PTPN13: variants seen among roughly 807,000 people sequenced by gnomAD.
PTPN13 encodes the protein tyrosine-protein phosphatase non-receptor type 13.
PTPN13 carries 191 observed loss-of-function variants against 284.0 expected under a neutral mutation model. The observed-to-expected ratio is 0.67, with a 90% CI of 0.60 to 0.76. The LOEUF is 0.76. Ranked by LOEUF, PTPN13 falls within the 30% of genes least tolerant of loss-of-function variation. The probability of loss-of-function intolerance (pLI) is 0.00; values close to 1 mark genes in which losing one functional copy is unlikely to be tolerated. For missense variants in PTPN13, 2,797 were observed against 2,939.9 expected (o/e 0.95, Z 1.12); for synonymous variants, 986 against 1,022.3 (o/e 0.96, Z 0.68).
intron 4 of PTPN13, among the ~76,000 whole-genome samples, chr4:86,688,584 A>C (rs1356666892): frequency 6.6e-6 from 1 of 152,134 alleles, no homozygotes; most frequent in Non-Finnish European, 1.5e-5. Flanking sequence ...TCTTTAAGTT[A>C]TCATGGGAGT....
At chr4:86,652,994 A>T (rs1725273422) in intron 2 of PTPN13, among the ~76,000 whole-genome samples, 1 of 150,744 alleles carries the variant, frequency 6.6e-6, no homozygotes, top group Non-Finnish European at 1.5e-5. Flanking sequence ...TGAGCTCATC[A>T]GTTTTTCCTT....
intron 41 of PTPN13, among the ~76,000 whole-genome samples, chr4:86,798,442 C>T (rs996603925): frequency 6.6e-6 from 1 of 152,184 alleles, no homozygotes; most frequent in Non-Finnish European, 1.5e-5. Flanking sequence ...GATGAAAGTA[C>T]TCTGCTTTGT....
chr4:86,809,627 G>T lies in PTPN13; in HGVS notation c.7084-142G>T, dbSNP rs551108199. The T allele has an allele frequency of 3.7e-4, 254 of 683,614 alleles. 2 individuals are homozygous for T. In the East Asian group the frequency reaches 6.4e-3, roughly 17 times the overall value. 42.3% of individuals were successfully genotyped at this position (683,614 alleles called of 1,614,324 possible). ...AATCGCTTGAACCTGGGAGGCGGAG[G>T]CTGCAGTGAGCCGAGATTGCACCAC... On this transcript the variant is annotated intron_variant, in intron 45 of 47. Coordinates refer to ENST00000411767, the MANE Select transcript of PTPN13 (RefSeq NM_080683.3).
intron 3 of PTPN13, among the ~76,000 whole-genome samples, chr4:86,684,992 G>T (rs1247429271): frequency 6.6e-6 from 1 of 152,124 alleles, no homozygotes; most frequent in Non-Finnish European, 1.5e-5. Context: ...ATTCCCATAT[G>T]CTCTGCCATC....
chr4:86,604,146 G>T (rs1211223741), intron 1 of PTPN13, among the ~76,000 whole-genome samples: 2 of 151,990 alleles, frequency 1.3e-5, no homozygotes, highest in East Asian at 3.8e-4. Flanking sequence ...ATAATAGAAA[G>T]AGCAAACACA....
chr4:86,747,871 G>A (rs1237232076), intron 17 of PTPN13, among the ~76,000 whole-genome samples: 1 of 152,188 alleles, frequency 6.6e-6, no homozygotes, highest in African/African-American at 2.4e-5. Flanking sequence ...GCTAACAAAT[G>A]TATGCTGCTT....
chr4:86,715,218 A>ATG (rs1468011089), intron 7 of PTPN13, among the ~76,000 whole-genome samples: 6 of 149,520 alleles, frequency 4.0e-5, no homozygotes, highest in Admixed American at 6.8e-5. Context: ...GTTTGTGTGT[A>ATG]TGTGTGTGTG....
intron 6 of PTPN13, among the ~76,000 whole-genome samples, chr4:86,695,969 G>A (rs1730551136): frequency 6.6e-6 from 1 of 151,866 alleles, no homozygotes; most frequent in African/African-American, 2.4e-5. Flanking sequence ...AAAGAAAAAG[G>A]TGAGCCTTGC....
intron 40 of PTPN13, among the ~76,000 whole-genome samples, chr4:86,793,547 A>G (rs1742939651): frequency 6.6e-6 from 1 of 152,242 alleles, no homozygotes. Flanking sequence ...TCAGCAGAAT[A>G]TACATTCTTC....
In PTPN13 at chr4:86,641,745, G is replaced by A. The variant is rs72870679; in HGVS notation, c.115+6374G>A. Among the ~76,000 whole-genome samples, 428 of 152,212 alleles carry A rather than the reference G, an allele frequency of 2.8e-3. 4 individuals are homozygous for A. Among genetic ancestry groups the A allele is most frequent in the African/African-American group, 9.8e-3 (407 of 41,546 alleles). On this transcript the variant is annotated intron_variant, in intron 2 of 47. Coordinates refer to ENST00000411767, the MANE Select transcript of PTPN13 (RefSeq NM_080683.3). ...TTTGTTGCCTTGTGGTTACTAAAAC[G>A]TACAATCTGTATGACTACCCTGAGA...
intron 15 of PTPN13, among the ~76,000 whole-genome samples, chr4:86,737,399 C>T (rs1735645453): frequency 6.6e-6 from 1 of 151,940 alleles, no homozygotes; most frequent in Admixed American, 6.6e-5. Flanking sequence ...TTTATTGGAA[C>T]TAGTCCATAC....
At chr4:86,797,402 G>C (rs1743466441) in intron 41 of PTPN13, among the ~76,000 whole-genome samples, 3 of 151,986 alleles carry the variant, frequency 2.0e-5, no homozygotes, top group South Asian at 2.1e-4. Context: ...TGAGGCAGGA[G>C]AATTGCTGGA....
At chr4:86,758,548 A>G in intron 21 of PTPN13, 130 bp from the exon 22 acceptor site, 3 of 967,930 alleles carry the variant, frequency 3.1e-6, no homozygotes, top group Admixed American at 2.6e-5. Context: ...TACTTCCACA[A>G]AATTTAATAT....
chr4:86,692,196 G>T (rs1396827413), intron 5 of PTPN13, among the ~76,000 whole-genome samples: 1 of 152,166 alleles, frequency 6.6e-6, no homozygotes, highest in African/African-American at 2.4e-5. Flanking sequence ...ATAAACAACA[G>T]TTATTAATAG....
intron 21 of PTPN13, 46 bp from the exon 22 acceptor site, chr4:86,758,632 T>C: frequency 3.3e-6 from 5 of 1,505,780 alleles, no homozygotes; most frequent in Non-Finnish European, 4.6e-6. Flanking sequence ...CATTAGTCTT[T>C]GAAAGCAGCA....
intron 37 of PTPN13, among the ~76,000 whole-genome samples, chr4:86,782,471 G>C (rs550785429): frequency 6.6e-6 from 1 of 152,232 alleles, no homozygotes; most frequent in African/African-American, 2.4e-5. Context: ...ACATCATTTA[G>C]CACACACTCA....
chr4:86,677,657 A>G (rs372755590), intron 3 of PTPN13, among the ~76,000 whole-genome samples: 5 of 151,356 alleles, frequency 3.3e-5, no homozygotes, highest in African/African-American at 1.2e-4. Context: ...TTTAACCACA[A>G]TGAAAGATGA....
intron 20 of PTPN13, among the ~76,000 whole-genome samples, chr4:86,753,686 A>G (rs1737662818): frequency 6.6e-6 from 1 of 152,022 alleles, no homozygotes; most frequent in South Asian, 2.1e-4. Flanking sequence ...CTTGAACATC[A>G]CTGGCTTTAA....
At chr4:86,661,601 C>A (rs1726495191) in intron 2 of PTPN13, among the ~76,000 whole-genome samples, 1 of 152,090 alleles carries the variant, frequency 6.6e-6, no homozygotes, top group African/African-American at 2.4e-5. Flanking sequence ...TCAATAGCAG[C>A]AGAGAATGGC....
Sources: allele counts gnomAD v4.1 joint callset (sites outside exome capture counted in the v4.1 genomes callset), GRCh38; gene constraint gnomAD v4.1.1; transcripts MANE v1.5; gene names NCBI Gene and HGNC (gene_info 2026-07-23, HGNC 2026-07-21).